The following TCF12 variants were observed in gnomAD, a reference collection of about 807,000 sequenced individuals.
The protein encoded by TCF12 is transcription factor 12, also known as DNA-binding protein HTF4.
Under a neutral mutation model 86.0 loss-of-function variants are expected in TCF12, and 45 were observed. The ratio of observed to expected loss-of-function variants is 0.52; its 90% confidence interval spans 0.41 to 0.67. The LOEUF is 0.67. TCF12 is among the 30% of genes least tolerant of loss of function. The pLI, the probability that TCF12 is intolerant of heterozygous loss-of-function variation, is 0.00. For synonymous variants in TCF12, 330 were observed against 299.6 expected, an observed-to-expected ratio of 1.10 and a Z score of -1.05; for missense variants, 881 against 859.9, an observed-to-expected ratio of 1.02 and a Z score of -0.31.
At chr15:57,207,554 C>T (rs2057890653) in intron 8 of TCF12, among the ~76,000 whole-genome samples, 1 of 151,966 alleles carries the variant, frequency 6.6e-6, no homozygotes, top group African/African-American at 2.4e-5. Flanking sequence ...GCCTGTAATC[C>T]CAGCTACTTG....
chr15:57,054,775 T>G (rs1291746412), intron 3 of TCF12, among the ~76,000 whole-genome samples: 1 of 37,634 alleles, frequency 2.7e-5, no homozygotes, highest in Non-Finnish European at 6.4e-5. Context: ...TGCCTCTGCT[T>G]TTTTTTTTTT....
intron 12 of TCF12, among the ~76,000 whole-genome samples, chr15:57,236,070 C>G (rs1322214293): frequency 6.6e-6 from 1 of 152,142 alleles, no homozygotes; most frequent in African/African-American, 2.4e-5. Context: ...CTCTGTCATC[C>G]TGTGTTGTTA....
Position 56,968,256 on chromosome 15 carries a change from C to G in TCF12, c.148+47158C>G, listed in dbSNP as rs1404259970. On this transcript the variant is annotated intron_variant, in intron 3 of 20. Coordinates refer to ENST00000333725, the MANE Select transcript of TCF12 (RefSeq NM_207037.2). ...ATAAGCGTGAGCCACTGCGCGCAGT[C>G]AAGAATGTAATTTTGATTTTTGTTT... Among the ~76,000 whole-genome samples, 3 of 152,018 alleles carry G rather than the reference C, an allele frequency of 2.0e-5. 1 individual carries two copies. Among genetic ancestry groups the G allele is most frequent in the Admixed American group, 2.0e-4 (3 of 15,258 alleles).
At chr15:57,105,039 A>G (rs1448685867) in intron 5 of TCF12, among the ~76,000 whole-genome samples, 1 of 151,292 alleles carries the variant, frequency 6.6e-6, no homozygotes, top group African/African-American at 2.4e-5. Context: ...ACACCCAGCT[A>G]ATTTTTGTAC....
intron 19 of TCF12, among the ~76,000 whole-genome samples, chr15:57,277,840 GA>G (rs2061476268): frequency 6.6e-6 from 1 of 151,860 alleles, no homozygotes; most frequent in South Asian, 2.1e-4. Flanking sequence ...TTGGGAGGCT[GA>G]GGTGGGAGGA....
chr15:57,024,453 A>C (rs1298473032), intron 3 of TCF12, among the ~76,000 whole-genome samples: 3 of 152,176 alleles, frequency 2.0e-5, no homozygotes, highest in Non-Finnish European at 4.4e-5. Flanking sequence ...ACTGCAAGTC[A>C]TCTGCCTGCC....
chr15:57,166,590 GTGT>G (rs2054911829), intron 6 of TCF12, 124 bp downstream of exon 6: 4 of 807,802 alleles, frequency 5.0e-6, no homozygotes, highest in Non-Finnish European at 5.5e-6. Context: ...TTGTAACTAA[GTGT>G]TGTTTTTTGC....
chr15:57,184,453 C>G (rs566150495), intron 6 of TCF12, among the ~76,000 whole-genome samples: 1 of 152,148 alleles, frequency 6.6e-6, no homozygotes. Context: ...ACACACATCC[C>G]TCCTTCTGAT....
chr15:57,149,436 C>A (rs116525995), intron 5 of TCF12, among the ~76,000 whole-genome samples: 1 of 152,130 alleles, frequency 6.6e-6, no homozygotes, highest in Non-Finnish European at 1.5e-5. Context: ...AGCCTTTTAA[C>A]CTTTTAGAAA....
chr15:56,960,023 C>A (rs1044531920), intron 3 of TCF12, among the ~76,000 whole-genome samples: 1 of 151,968 alleles, frequency 6.6e-6, no homozygotes, highest in Non-Finnish European at 1.5e-5. Flanking sequence ...GTTAAAAAAC[C>A]GCAGTTACTT....
chr15:57,100,490 TAGGTTTA>T (rs2151167961), intron 5 of TCF12, among the ~76,000 whole-genome samples: 1 of 151,242 alleles, frequency 6.6e-6, no homozygotes, highest in Admixed American at 6.6e-5. Flanking sequence ...CTTGAACTCC[TAGGTTTA>T]AGTGATCTTC....
chr15:56,925,209 A>G (rs868864446), intron 3 of TCF12, among the ~76,000 whole-genome samples: 6 of 135,990 alleles, frequency 4.4e-5, no homozygotes, highest in Non-Finnish European at 8.4e-5. Flanking sequence ...CTCCAAAAAC[A>G]AAAAAAAACC....
chr15:56,966,192 C>T (rs2061993393), intron 3 of TCF12, among the ~76,000 whole-genome samples: 1 of 151,960 alleles, frequency 6.6e-6, no homozygotes, highest in African/African-American at 2.4e-5. Flanking sequence ...TTTTTAGTTG[C>T]CCTATTTTTT....
chr15:57,167,177 A>G (rs1482734368), intron 6 of TCF12, among the ~76,000 whole-genome samples: 1 of 152,160 alleles, frequency 6.6e-6, no homozygotes, highest in Admixed American at 6.5e-5. Flanking sequence ...TGCTAATAAT[A>G]CTCCATTTAA....
chr15:57,030,735 A>G (rs1226839845), intron 3 of TCF12, among the ~76,000 whole-genome samples: 3 of 152,216 alleles, frequency 2.0e-5, no homozygotes, highest in Non-Finnish European at 2.9e-5. Flanking sequence ...TTTTGAAAAT[A>G]TAATTTAATT....
chr15:57,271,436 CTG>C (rs1469042415), intron 18 of TCF12, among the ~76,000 whole-genome samples: 1 of 152,172 alleles, frequency 6.6e-6, no homozygotes, highest in African/African-American at 2.4e-5. Flanking sequence ...GTTGCGAAGA[CTG>C]TGGGAAAAGC....
chr15:57,232,159 A>C, intron 9 of TCF12, 132 bp from the exon 10 acceptor site: 1 of 885,376 alleles, frequency 1.1e-6, no homozygotes, highest in Non-Finnish European at 1.8e-6. Context: ...AGGGAAGAAC[A>C]GTGGGTAGAA....
intron 5 of TCF12, among the ~76,000 whole-genome samples, chr15:57,146,277 T>G (rs2053357946): frequency 6.6e-6 from 1 of 152,200 alleles, no homozygotes; most frequent in South Asian, 2.1e-4. Flanking sequence ...TAACTGATAG[T>G]AGCAAGGTTT....
chr15:56,923,361 G>T (rs190602749), intron 3 of TCF12, among the ~76,000 whole-genome samples: 1 of 152,084 alleles, frequency 6.6e-6, no homozygotes, highest in East Asian at 1.9e-4. Context: ...TATGAGTGTC[G>T]GAAGTCACTC....
Sources: gnomAD v4.1 joint callset for allele counts (sites outside exome capture counted in the v4.1 genomes callset) on GRCh38, gnomAD v4.1.1 for gene constraint, MANE v1.5 for transcripts, NCBI Gene and HGNC (gene_info 2026-07-23, HGNC 2026-07-21) for gene names.